Variants in ITPR3 observed in about 807,000 individuals in gnomAD.
The protein encoded by ITPR3 is inositol 1,4,5-trisphosphate-gated calcium channel ITPR3.
In ITPR3, 173 loss-of-function variants were observed where a neutral mutation model predicts 293.2. The ratio of observed to expected loss-of-function variants is 0.59; its 90% CI spans 0.52 to 0.67. The LOEUF (loss-of-function observed/expected upper bound fraction) is 0.67, where lower values mean the gene tolerates loss of function less well. ITPR3 is among the 30% of genes least tolerant of loss of function. The pLI, the probability that ITPR3 is intolerant of heterozygous loss-of-function variation, is 0.00. For synonymous variants in ITPR3, 1,295 were observed against 1,444.4 expected, an observed-to-expected ratio of 0.90 and a Z score of 2.35; for missense variants, 2,796 against 3,592.1, an observed-to-expected ratio of 0.78 and a Z score of 5.66.
At chr6:33,677,163 C>T in intron 27 of ITPR3, 74 bp downstream of exon 27, 2 of 1,354,478 alleles carry the variant, frequency 1.5e-6, no homozygotes, top group Non-Finnish European at 2.1e-6. Context: ...GGCCCGGCCC[C>T]CTGTGCCTCT....
At position 33,675,747 on chromosome 6, in the gene ITPR3, T is replaced by G; in HGVS notation, c.3173T>G (p.Val1058Gly). ...GAGGGCGGCCGCATGTTCCTGCGCG[T>G]GCTCATCCACCTCACCATGCACGAC... is the stretch of plus-strand genomic sequence containing the variant. ...DDEGGRMFLRVLIHLTMHDYA... is the reference protein window; with the variant it reads ...DDEGGRMFLRGLIHLTMHDYA... The change falls in exon 25 of 58, where the codon GTG becomes GGG. Residue 1058 changes from valine to glycine, a missense_variant. By Grantham distance (109) the Val-to-Gly change is moderately radical (BLOSUM62 -3). Transcript: ENST00000605930. This position sits in a 1 kb window ranked among gnomAD's most constrained non-coding sequence, Gnocchi z 5.0. The G allele has an allele frequency of 1.9e-6, 3 of 1,613,078 alleles. No homozygotes were observed. The highest frequency in any genetic ancestry group is 2.5e-6 in the Non-Finnish European group (3 of 1,179,868).
chr6:33,663,900 C>T lies in ITPR3; in HGVS notation c.1148+20C>T, dbSNP rs761409142. Reference sequence around the variant, plus strand: ...GCCCCGGTGGGTATGCGCCATGTGCCTGGGAGTTGACTGGTGGTGCTCAGG... The same window carrying T: ...GCCCCGGTGGGTATGCGCCATGTGCTTGGGAGTTGACTGGTGGTGCTCAGG... On this transcript the variant is annotated intron_variant, in intron 11 of 57. Transcript: ENST00000605930. 6.2e-7 allele frequency: 1 copy of T among 1,613,358 alleles called. No homozygotes were observed.
At position 33,666,366 on chromosome 6, in the gene ITPR3, A is replaced by G. The variant is rs1461396831; in HGVS notation, c.1551+390A>G. Among the ~76,000 whole-genome samples, 1 of 151,482 alleles carries G rather than the reference A, an allele frequency of 6.6e-6. No homozygotes were observed. The highest frequency in any genetic ancestry group is 1.5e-5 in the Non-Finnish European group (1 of 68,018). ...AAGTATTGGAAGAATAGTACAGGGA[A>G]CAAGGTGCCTCACTGTTTTGCTGCC... is the stretch of plus-strand genomic sequence containing the variant. On this transcript the variant is annotated intron_variant, in intron 14 of 57. Coordinates refer to ENST00000605930, the MANE Select transcript of ITPR3 (RefSeq NM_002224.4). The surrounding 1 kb of genome is among the most constrained non-coding windows in gnomAD (Gnocchi z 5.1).
In ITPR3 at chr6:33,676,937, G is replaced by C. The variant is rs753950935; in HGVS notation, c.3447+5G>C. On this transcript the variant is annotated splice_donor_5th_base_variant and intron_variant, in intron 26 of 57. Transcript: ENST00000605930. ...GCCGCCAAGGACAAGAAAGAGGTAA[G>C]TGGGGCTCCAGGGGGCCAGGGCAGG... 6.2e-7 allele frequency: 1 copy of C among 1,614,128 alleles called. No homozygotes were observed. Among genetic ancestry groups the C allele is most frequent in the East Asian group, 2.2e-5 (1 of 44,876 alleles).
At position 33,679,609 on chromosome 6, in the gene ITPR3, CCTGGAG is replaced by C. The variant is rs999828467; in HGVS notation, c.3973-272_3973-267del. Reference sequence around the variant, plus strand: ...GAGCAAGGCGGGATTAGCGAGGCTTCCTGGAGGAAGCTGCCTCTGAGATGACCCCTA... The same window carrying C: ...GAGCAAGGCGGGATTAGCGAGGCTTCGAAGCTGCCTCTGAGATGACCCCTA... On this transcript the variant is annotated intron_variant, in intron 30 of 57. Coordinates refer to ENST00000605930, the MANE Select transcript of ITPR3 (RefSeq NM_002224.4). The surrounding 1 kb of genome is among the most constrained non-coding windows in gnomAD (Gnocchi z 4.2). Among the ~76,000 whole-genome samples, 7 of 152,266 alleles carry C rather than the reference CCTGGAG, an allele frequency of 4.6e-5. 1 individual carries two copies. The highest frequency in any genetic ancestry group is 3.9e-4 in the East Asian group (2 of 5,190).
chr6:33,652,033 A>G (rs1006408281), intron 2 of ITPR3, among the ~76,000 whole-genome samples: 1 of 152,060 alleles, frequency 6.6e-6, no homozygotes, highest in Non-Finnish European at 1.5e-5. Flanking sequence ...GTAGCTGACA[A>G]TCCCCAGGAC....
intron 17 of ITPR3, 66 bp from the exon 18 acceptor site, chr6:33,668,908 C>A (rs958812781): frequency 5.9e-6 from 9 of 1,526,778 alleles, no homozygotes; most frequent in Middle Eastern, 3.5e-4. Flanking sequence ...CGGGTGTGCT[C>A]AGGGAGGGGT....
intron 57 of ITPR3, 81 bp from the exon 58 acceptor site, chr6:33,695,631 G>A (rs1765523582): frequency 7.1e-7 from 1 of 1,402,208 alleles, no homozygotes; most frequent in Admixed American, 1.7e-5. Context: ...GGGAAGACGG[G>A]TGCCAAGCTC....
At chr6:33,636,648 G>A (rs560961473) in intron 1 of ITPR3, among the ~76,000 whole-genome samples, 263 of 152,118 alleles carry the variant, frequency 1.7e-3, no homozygotes, top group African/African-American at 6.3e-3. Context: ...GCATGTTCCG[G>A]TGGGAGGCCA....
At chr6:33,641,844 C>T (rs1763960658) in intron 2 of ITPR3, among the ~76,000 whole-genome samples, 2 of 152,166 alleles carry the variant, frequency 1.3e-5, no homozygotes, top group Admixed American at 6.5e-5. Context: ...ACATCTTCAG[C>T]GAGGCCTTCC....
chr6:33,627,002 T>C (rs914446857), intron 1 of ITPR3, among the ~76,000 whole-genome samples: 23 of 152,102 alleles, frequency 1.5e-4, no homozygotes, highest in African/African-American at 5.6e-4. Context: ...GAGATGGGGT[T>C]TCTCCATGTT....
chr6:33,623,262 C>G (rs1305587531), intron 1 of ITPR3, among the ~76,000 whole-genome samples: 1 of 150,876 alleles, frequency 6.6e-6, no homozygotes, highest in Admixed American at 6.6e-5. Flanking sequence ...AAATGACCAC[C>G]TCTGTTGCTT....
chr6:33,643,041 G>A (rs1763984979), intron 2 of ITPR3, among the ~76,000 whole-genome samples: 1 of 152,216 alleles, frequency 6.6e-6, no homozygotes, highest in African/African-American at 2.4e-5. Context: ...CTTCAGTTTT[G>A]ACACTGGAGC....
chr6:33,683,351 C>A lies in ITPR3; in HGVS notation c.4742C>A (p.Pro1581His). Reference sequence around the variant, plus strand: ...ACGCGGGCCTTCCCCCGCGTCACCCCCACCGCCAACCAGTGGGACTACAAG... The same window carrying A: ...ACGCGGGCCTTCCCCCGCGTCACCCACACCGCCAACCAGTGGGACTACAAG... ...ATTRAFPRVT[P>H]TANQWDYKNI... The change falls in exon 35 of 58, where the codon CCC becomes CAC. Residue 1581 changes from proline (P) to histidine (H), a missense_variant. Around this residue, in one of 8 missense-constraint regions of ITPR3, gnomAD observed 704 missense variants for 797.5 expected, o/e 0.88. Coordinates refer to ENST00000605930, the MANE Select transcript of ITPR3 (RefSeq NM_002224.4). This position sits in a 1 kb window ranked among gnomAD's most constrained non-coding sequence, Gnocchi z 4.5. The A allele has an allele frequency of 6.3e-7, 1 of 1,595,682 alleles. No individual in the cohort carries two copies. Among genetic ancestry groups the A allele is most frequent in the Non-Finnish European group, 8.5e-7 (1 of 1,171,360 alleles).
chr6:33,688,302 C>G lies in ITPR3; in HGVS notation c.6439C>G (p.Leu2147Val). 1 of 1,614,214 alleles carries G rather than the reference C, an allele frequency of 6.2e-7. No individual in the cohort carries two copies. The change falls in exon 48 of 58, where the codon CTG becomes GTG. Residue 2147 changes from leucine to valine, a missense_variant. Around this residue, in one of 8 missense-constraint regions of ITPR3, gnomAD observed 568 missense variants for 796.1 expected, o/e 0.71. Transcript: ENST00000605930. ...CCCAGTGCCCGGCATCTGCCAGTTC[C>G]TGACGGAGGAAACCAAGCACCGGCT... ...VFPVPGICQF[L>V]TEETKHRLFT...
chr6:33,656,025 A>G (rs982940182), intron 3 of ITPR3, 138 bp downstream of exon 3: 5 of 1,112,504 alleles, frequency 4.5e-6, no homozygotes, highest in Non-Finnish European at 6.4e-6. Context: ...TGGGCGTGAC[A>G]GTTCACACCT....
At chr6:33,640,331 A>G (rs1284597853) in intron 1 of ITPR3, among the ~76,000 whole-genome samples, 153 bp from the exon 2 acceptor site, 1 of 152,094 alleles carries the variant, frequency 6.6e-6, no homozygotes, top group South Asian at 2.1e-4. Context: ...CGGTGGTGCC[A>G]GGAAAGAATG....
chr6:33,680,818 AT>A, intron 33 of ITPR3, 138 bp downstream of exon 33: 4 of 837,656 alleles, frequency 4.8e-6, no homozygotes, highest in Non-Finnish European at 6.7e-6. Flanking sequence ...TGTATTGGTT[AT>A]CTTTTTTTTT....
chr6:33,683,470 G>A lies in ITPR3; in HGVS notation c.4788+73G>A, dbSNP rs1765137098. 2 of 1,274,028 alleles carry A rather than the reference G, an allele frequency of 1.6e-6. No individual in the cohort carries two copies. The highest frequency in any genetic ancestry group is 1.5e-5 in the African/African-American group (1 of 65,392). 78.9% of individuals were successfully genotyped at this position (1,274,028 alleles called of 1,614,324 possible). ...GTCAGCAGCTCCCCTACTTTGGAGG[G>A]GCAAGTTCTCGGGGAGTGTTTCTTC... is the stretch of plus-strand genomic sequence containing the variant. On this transcript the variant is annotated intron_variant, in intron 35 of 57. Coordinates refer to ENST00000605930, the MANE Select transcript of ITPR3 (RefSeq NM_002224.4). The surrounding 1 kb of genome is among the most constrained non-coding windows in gnomAD (Gnocchi z 4.5).
Sources: gnomAD v4.1 joint callset for allele counts (sites outside exome capture counted in the v4.1 genomes callset) on GRCh38, gnomAD v4.1.1 for gene constraint, gnomAD v4.1.1 regional missense constraint, Gnocchi (gnomAD v3.1) non-coding constraint, MANE v1.5 for transcripts, NCBI Gene and HGNC (gene_info 2026-07-23, HGNC 2026-07-21) for gene names.